Variants in CEP70 observed in about 807,000 individuals in gnomAD.
CEP70 encodes the protein centrosomal protein 70.
CEP70 carries 70 observed loss-of-function variants against 90.9 expected under a neutral mutation model. The ratio of observed to expected loss-of-function variants is 0.77; its 90% CI spans 0.64 to 0.94. The LOEUF (loss-of-function observed/expected upper bound fraction) is 0.94, where lower values mean the gene tolerates loss of function less well. Among genes scored for constraint, CEP70 ranks in the 40% least tolerant of loss-of-function variants. The probability of loss-of-function intolerance (pLI) is 0.00; values close to 1 mark genes in which losing one functional copy is unlikely to be tolerated. For synonymous variants in CEP70, 220 were observed against 228.3 expected (o/e 0.96, Z 0.33); for missense variants, 648 against 669.0 (o/e 0.97, Z 0.35).
At chr3:138,584,258 C>T (rs1382759504) in intron 2 of CEP70, among the ~76,000 whole-genome samples, 2 of 151,912 alleles carry the variant, frequency 1.3e-5, no homozygotes, top group African/African-American at 4.8e-5. Context: ...TAACAACTAA[C>T]AACATTGAAG....
chr3:138,546,815 T>C (rs2039243476), intron 6 of CEP70, among the ~76,000 whole-genome samples: 1 of 151,880 alleles, frequency 6.6e-6, no homozygotes, highest in South Asian at 2.1e-4. Context: ...TATTCATAAA[T>C]GAAAAAGACT....
intron 2 of CEP70, among the ~76,000 whole-genome samples, chr3:138,578,594 A>G (rs886969356): frequency 6.6e-6 from 1 of 152,120 alleles, no homozygotes; most frequent in Admixed American, 6.5e-5. Flanking sequence ...AGAGAAGGGA[A>G]GATCCACACC....
chr3:138,562,022 C>CA (rs35638353), intron 6 of CEP70, among the ~76,000 whole-genome samples: 144 of 110,836 alleles, frequency 1.3e-3, no homozygotes, highest in African/African-American at 2.4e-3. Context: ...GACGCCGTCT[C>CA]AAAAAAAAAA....
chr3:138,527,686 C>T (rs1203444177), intron 10 of CEP70, among the ~76,000 whole-genome samples: 1 of 122,370 alleles, frequency 8.2e-6, no homozygotes, highest in Admixed American at 7.8e-5. Context: ...CAGAGCAAGA[C>T]TCCGTCTCAA....
rs774867298 is a variant in CEP70 at position 138,508,479 on chromosome 3, T to C, written c.1010A>G (p.Tyr337Cys). ...DTEKKDEPSK[Y>C]NQQQALIDQR... ...GTCAATTAGGGCCTGTTGCTGATTA[T>C]ATTTGCTGGGCTCATCTTTCTTCTC... is the stretch of plus-strand genomic sequence containing the variant. Residue 337 changes from tyrosine to cysteine, a missense_variant, in exon 12 of 18, where the codon TAT becomes TGT. By Grantham distance (194) the Tyr-to-Cys change is radical. Transcript: ENST00000264982. 5.0e-6 allele frequency: 8 copies of C among 1,612,966 alleles called. No homozygotes were observed. Among genetic ancestry groups the C allele is most frequent in the African/African-American group, 4.0e-5 (3 of 74,870 alleles).
chr3:138,566,374 G>A (rs561400088), intron 6 of CEP70, among the ~76,000 whole-genome samples: 8 of 152,128 alleles, frequency 5.3e-5, no homozygotes, highest in African/African-American at 9.7e-5. Context: ...AAAGACACAT[G>A]CACACGTTTA....
At chr3:138,582,886 A>G (rs1367548435) in intron 2 of CEP70, among the ~76,000 whole-genome samples, 1 of 152,176 alleles carries the variant, frequency 6.6e-6, no homozygotes, top group Non-Finnish European at 1.5e-5. Context: ...GCAAGAAATT[A>G]AAACATACCA....
At chr3:138,583,492 G>A (rs191999923) in intron 2 of CEP70, among the ~76,000 whole-genome samples, 6 of 152,264 alleles carry the variant, frequency 3.9e-5, no homozygotes. Context: ...TCCAATGGCT[G>A]AAGAATACAC....
chr3:138,562,200 C>T (rs1233928114), intron 6 of CEP70, among the ~76,000 whole-genome samples: 1 of 151,882 alleles, frequency 6.6e-6, no homozygotes, highest in Non-Finnish European at 1.5e-5. Flanking sequence ...AAATATGCGA[C>T]TATGTGAAAA....
chr3:138,561,541 C>A (rs577761693), intron 6 of CEP70, among the ~76,000 whole-genome samples: 100 of 152,226 alleles, frequency 6.6e-4, no homozygotes, highest in Non-Finnish European at 1.1e-3. Context: ...GAGAATGAGT[C>A]TGACGAACTG....
intron 2 of CEP70, 36 bp from the exon 3 acceptor site, chr3:138,572,968 T>C (rs774719584): frequency 6.7e-7 from 1 of 1,497,782 alleles, no homozygotes; most frequent in Non-Finnish European, 9.2e-7. Flanking sequence ...AATTGGCAAT[T>C]AAAAAATTTG....
At position 138,517,664 on chromosome 3, in the gene CEP70, G is replaced by A. The variant is rs189557932; in HGVS notation, c.944+7826C>T. Among the ~76,000 whole-genome samples, 32 of 152,272 alleles carry A rather than the reference G, an allele frequency of 2.1e-4. No individual in the cohort carries two copies. The East Asian group carries it at 4.2e-3, about 20-fold the overall frequency. ...AGCATGGGCGACAGAGCAAGACTCCGTCTCAAAAAATAAATAAATAATAAA... is the reference window on the plus strand; with the variant it reads ...AGCATGGGCGACAGAGCAAGACTCCATCTCAAAAAATAAATAAATAATAAA... On this transcript the variant is annotated intron_variant, in intron 11 of 17. Transcript: ENST00000264982.
At chr3:138,548,306 A>G (rs1456938697) in intron 6 of CEP70, among the ~76,000 whole-genome samples, 1 of 152,156 alleles carries the variant, frequency 6.6e-6, no homozygotes, top group Non-Finnish European at 1.5e-5. Flanking sequence ...AAATCCCAAA[A>G]CACTCCTGGG....
chr3:138,593,344 G>A (rs1417020156), intron 1 of CEP70, among the ~76,000 whole-genome samples: 1 of 151,964 alleles, frequency 6.6e-6, no homozygotes, highest in African/African-American at 2.4e-5. Context: ...TGCCTCACCC[G>A]CCCGAGTAGC....
intron 13 of CEP70, 137 bp from the exon 14 acceptor site, chr3:138,501,018 TA>T (rs917793279): frequency 1.1e-4 from 33 of 308,778 alleles, no homozygotes; most frequent in East Asian, 6.0e-4. Flanking sequence ...TTACACAGGT[TA>T]AAAAAATATA....
intron 6 of CEP70, among the ~76,000 whole-genome samples, chr3:138,538,778 G>T (rs1240635229): frequency 6.6e-6 from 1 of 151,840 alleles, no homozygotes; most frequent in Non-Finnish European, 1.5e-5. Context: ...TTGTTCAGAG[G>T]TTTTGATTAT....
intron 2 of CEP70, among the ~76,000 whole-genome samples, chr3:138,583,819 A>G (rs558306523): frequency 6.6e-6 from 1 of 152,276 alleles, no homozygotes; most frequent in East Asian, 1.9e-4. Context: ...GTACTGAGAG[A>G]AATTTATAGC....
intron 11 of CEP70, among the ~76,000 whole-genome samples, chr3:138,523,154 G>A (rs972559944): frequency 6.7e-6 from 1 of 148,544 alleles, no homozygotes; most frequent in Admixed American, 6.6e-5. Context: ...TGCAGAAAAG[G>A]CCTTTGACAA....
intron 8 of CEP70, among the ~76,000 whole-genome samples, chr3:138,530,011 A>G (rs947262268): frequency 6.6e-6 from 1 of 152,230 alleles, no homozygotes; most frequent in Admixed American, 6.5e-5. Context: ...CATCTGTAAA[A>G]TAGTATCTGT....
Sources: allele counts gnomAD v4.1 joint callset (sites outside exome capture counted in the v4.1 genomes callset), GRCh38; gene constraint gnomAD v4.1.1; transcripts MANE v1.5; gene names NCBI Gene and HGNC (gene_info 2026-07-23, HGNC 2026-07-21).